The following GPRC6A variants were observed in gnomAD, a reference collection of about 807,000 sequenced individuals.
GPRC6A encodes the protein G protein-coupled receptor family C group 6 member A.
Under a neutral mutation model 47.0 loss-of-function variants are expected in GPRC6A, and 54 were observed. That is an observed-to-expected ratio of 1.15 (90% CI 0.92 to 1.44). The LOEUF is 1.44. Ranked by LOEUF, GPRC6A falls within the 40% of genes most tolerant of loss-of-function variation. GPRC6A has a pLI of 0.00. For missense variants in GPRC6A, 1,112 were observed against 1,105.5 expected (o/e 1.01, Z -0.08); for synonymous variants, 347 against 377.1 (o/e 0.92, Z 0.93).
chr6:116,797,747 G>A (rs572583576), intron 4 of GPRC6A, among the ~76,000 whole-genome samples: 2 of 152,298 alleles, frequency 1.3e-5, no homozygotes, highest in Non-Finnish European at 2.9e-5. Context: ...ATTCAAAAAG[G>A]AAATGAATCA....
rs1475234949 is a variant in GPRC6A, at chr6:116,806,507, T to C, written c.1198A>G (p.Asn400Asp). ...KAIERNFVMR[N>D]DFLWDYAEPG... ...TCAGCATAGTCCCAGAGGAAGTCAT[T>C]TCTCATGACGAAGTTCCTTTCTATA... The change falls in exon 3 of 6, where the codon AAT (asparagine) becomes GAT (aspartate). Residue 400 changes from asparagine (N) to aspartate (D), a missense_variant. Physicochemically the swap from Asn to Asp is conservative, Grantham distance 23. Transcript: ENST00000310357. The C allele has an allele frequency of 6.2e-7, 1 of 1,613,618 alleles. No homozygotes were observed.
At chr6:116,809,052 T>G (rs1308175916) in intron 2 of GPRC6A, among the ~76,000 whole-genome samples, 1 of 152,198 alleles carries the variant, frequency 6.6e-6, no homozygotes, top group Non-Finnish European at 1.5e-5. Context: ...TCTAGCCAGA[T>G]TGGCCTTTTT....
At chr6:116,818,886 T>A (rs1773348943) in intron 1 of GPRC6A, among the ~76,000 whole-genome samples, 1 of 152,014 alleles carries the variant, frequency 6.6e-6, no homozygotes, top group Non-Finnish European at 1.5e-5. Flanking sequence ...ATGGACTAAA[T>A]GCTCCAATTA....
intron 1 of GPRC6A, among the ~76,000 whole-genome samples, chr6:116,825,060 CA>C (rs1773636606): frequency 6.6e-6 from 1 of 151,984 alleles, no homozygotes; most frequent in South Asian, 2.1e-4. Context: ...AAACTCTCAA[CA>C]AACTAGGCAC....
Position 116,800,741 on chromosome 6 carries a change from A to G in GPRC6A, c.1391T>C (p.Phe464Ser), listed in dbSNP as rs143913245. ...AGTATTTAAATCCCCGTGAGCATCA[A>G]AATGAAATGAATTCCATCCATCAGT... ...TFTDGWNSFH[F>S]DAHGDLNTGY... Residue 464 changes from phenylalanine (F) to serine (S), a missense_variant, in exon 4 of 6, where the codon TTT becomes TCT. By Grantham distance (155) the Phe-to-Ser change is radical. Transcript: ENST00000310357. 1 of 1,611,824 alleles carries G rather than the reference A, an allele frequency of 6.2e-7. No individual in the cohort carries two copies. Among genetic ancestry groups the G allele is most frequent in the African/African-American group, 1.3e-5 (1 of 74,986 alleles).
At chr6:116,811,331 T>C (rs905912405) in intron 1 of GPRC6A, among the ~76,000 whole-genome samples, 1 of 151,838 alleles carries the variant, frequency 6.6e-6, no homozygotes, top group Non-Finnish European at 1.5e-5. Flanking sequence ...TTTTAAAAAT[T>C]GGAAGAAGCA....
At chr6:116,824,667 A>C (rs1773621583) in intron 1 of GPRC6A, among the ~76,000 whole-genome samples, 6 of 152,038 alleles carry the variant, frequency 3.9e-5, no homozygotes, top group Admixed American at 3.9e-4. Flanking sequence ...AAATATATAA[A>C]GAAGAAATAA....
intron 1 of GPRC6A, among the ~76,000 whole-genome samples, chr6:116,814,593 G>C (rs539229332): frequency 3.5e-4 from 54 of 152,190 alleles, no homozygotes; most frequent in African/African-American, 1.3e-3. Context: ...TCACACACTG[G>C]GGCTTGTCAT....
chr6:116,819,677 C>T (rs1293220542), intron 1 of GPRC6A, among the ~76,000 whole-genome samples: 2 of 152,088 alleles, frequency 1.3e-5, no homozygotes, highest in Admixed American at 6.6e-5. Flanking sequence ...AAAGACACAA[C>T]ATACCAGAGT....
At chr6:116,827,953 A>G (rs1417923575) in intron 1 of GPRC6A, among the ~76,000 whole-genome samples, 2 of 152,092 alleles carry the variant, frequency 1.3e-5, no homozygotes, top group Non-Finnish European at 2.9e-5. Flanking sequence ...ACTTAGACAT[A>G]GAAACATAAA....
intron 4 of GPRC6A, among the ~76,000 whole-genome samples, chr6:116,798,482 G>T (rs1381985299): frequency 6.6e-6 from 1 of 152,108 alleles, no homozygotes; most frequent in East Asian, 1.9e-4. Context: ...GGTAGGTTGT[G>T]TAGAATTTTT....
rs1466462658 is a variant in GPRC6A, at chr6:116,827,324, T to C, written c.194+1496A>G. Among the ~76,000 whole-genome samples the C allele has an allele frequency of 2.0e-5, 3 of 151,934 alleles. 1 individual carries two copies. The Middle Eastern group carries it at 9.5e-3, about 481-fold the overall frequency. Reference sequence around the variant, plus strand: ...ATACCACATGTACCTCATAAATATGTAAACTAATACGTATCAATTAAAAAA... The same window carrying C: ...ATACCACATGTACCTCATAAATATGCAAACTAATACGTATCAATTAAAAAA... On this transcript the variant is annotated intron_variant, in intron 1 of 5. Coordinates refer to ENST00000310357, the MANE Select transcript of GPRC6A (RefSeq NM_148963.4).
chr6:116,792,948 A>G lies in GPRC6A; in HGVS notation c.1975T>C (p.Cys659Arg). 6.2e-7 allele frequency: 1 copy of G among 1,614,106 alleles called. No individual in the cohort carries two copies. Among genetic ancestry groups the G allele is most frequent in the Non-Finnish European group, 8.5e-7 (1 of 1,179,978 alleles). ...CCAAACATTGTCTGCCTGGTTTTACATGTGAAGTCTTGTGGTTCTCCAATG... is the reference window on the plus strand; with the variant it reads ...CCAAACATTGTCTGCCTGGTTTTACGTGTGAAGTCTTGTGGTTCTCCAATG... ...FFIGEPQDFT[C>R]KTRQTMFGVS... Residue 659 changes from cysteine (C) to arginine (R), a missense_variant, in exon 6 of 6, where the codon TGT (cysteine) becomes CGT (arginine). By Grantham distance (180) the Cys-to-Arg change is radical (BLOSUM62 -3). Transcript: ENST00000310357.
rs139828071 is a variant in GPRC6A, at chr6:116,792,813, G to T, written c.2110C>A (p.Pro704Thr). 11 of 1,613,930 alleles carry T rather than the reference G, an allele frequency of 6.8e-6. No individual in the cohort carries two copies. The highest frequency in any genetic ancestry group is 5.0e-5 in the Admixed American group (3 of 59,954). ...LQKFLKCLYR[P>T]ILIIFTCTGI... Reference sequence around the variant, plus strand: ...GTGCAAGTGAAGATAATAAGGATCGGTCTATAGAGGCACTTCAGAAATTTC... The same window carrying T: ...GTGCAAGTGAAGATAATAAGGATCGTTCTATAGAGGCACTTCAGAAATTTC... The change falls in exon 6 of 6, where the codon CCG becomes ACG. Residue 704 changes from proline to threonine, a missense_variant. By Grantham distance (38) the Pro-to-Thr change is conservative. Coordinates refer to ENST00000310357, the MANE Select transcript of GPRC6A (RefSeq NM_148963.4).
intron 3 of GPRC6A, among the ~76,000 whole-genome samples, chr6:116,805,386 A>G (rs1435991363): frequency 6.6e-6 from 1 of 152,064 alleles, no homozygotes; most frequent in Non-Finnish European, 1.5e-5. Flanking sequence ...ACAAAAGTAG[A>G]AAAAACTTGT....
Position 116,792,882 on chromosome 6 carries a change from A to C in GPRC6A, c.2041T>G (p.Ser681Ala). The change falls in exon 6 of 6, where the codon TCT (serine) becomes GCT (alanine). Residue 681 changes from serine (S) to alanine (A), a missense_variant. By Grantham distance (99) the Ser-to-Ala change is moderately conservative. Transcript: ENST00000310357. ...TLCISCILTKSLKILLAFSFD... is the reference protein window; with the variant it reads ...TLCISCILTKALKILLAFSFD... ...CTGAAGGCTAGCAAAATTTTCAGAG[A>C]CTTCGTCAAAATGCAGGAGATGCAA... The C allele has an allele frequency of 6.2e-7, 1 of 1,614,086 alleles. No individual in the cohort carries two copies. Among genetic ancestry groups the C allele is most frequent in the Non-Finnish European group, 8.5e-7 (1 of 1,179,978 alleles).
chr6:116,800,815 G>C lies in GPRC6A; in HGVS notation c.1336-19C>G, dbSNP rs1239301853. 6.9e-7 allele frequency: 1 copy of C among 1,456,542 alleles called. No homozygotes were observed. Among genetic ancestry groups the C allele is most frequent in the Non-Finnish European group, 9.6e-7 (1 of 1,043,284 alleles). The allele number at this position is 1,456,542 out of a possible 1,614,324, so 90.2% of individuals were successfully genotyped here. On this transcript the variant is annotated intron_variant, in intron 3 of 5. Transcript: ENST00000310357. ...CAAGTAACTATAAAAAATAAAAACAGAGATAAGCACTTAATATAAATGTTG... is the reference window on the plus strand; with the variant it reads ...CAAGTAACTATAAAAAATAAAAACACAGATAAGCACTTAATATAAATGTTG...
In GPRC6A at chr6:116,807,040, C is replaced by A. The variant is rs745906895; in HGVS notation, c.665G>T (p.Arg222Leu). The change falls in exon 3 of 6, where the codon CGA (arginine) becomes CTA (leucine). Residue 222 changes from arginine to leucine, a missense_variant. Transcript: ENST00000310357. ...AATTATAAAAGTGTTAAGAGCCAAT[C>A]GTCCATAGTCATCATCTGTGGTTAT... ...GIITTDDDYGRLALNTFIIQA... is the reference protein window; with the variant it reads ...GIITTDDDYGLLALNTFIIQA... The A allele has an allele frequency of 6.2e-7, 1 of 1,613,726 alleles. No homozygotes were observed. Among genetic ancestry groups the A allele is most frequent in the South Asian group, 1.1e-5 (1 of 91,066 alleles).
chr6:116,824,303 A>G (rs996631401), intron 1 of GPRC6A, among the ~76,000 whole-genome samples: 1 of 151,964 alleles, frequency 6.6e-6, no homozygotes, highest in Non-Finnish European at 1.5e-5. Context: ...ATAAAATGAA[A>G]AGTTGATTCT....
Sources: gnomAD v4.1 joint callset for allele counts (sites outside exome capture counted in the v4.1 genomes callset) on GRCh38, gnomAD v4.1.1 for gene constraint, MANE v1.5 for transcripts, NCBI Gene and HGNC (gene_info 2026-07-23, HGNC 2026-07-21) for gene names.